UBE2E2: variants seen among roughly 807,000 people sequenced by gnomAD.
UBE2E2 encodes ubiquitin conjugating enzyme E2 E2, also known as ubiquitin-conjugating enzyme E2 E2.
UBE2E2 carries 6 observed loss-of-function variants against 24.7 expected under a neutral mutation model. The observed-to-expected ratio is 0.24, with a 90% CI of 0.13 to 0.48. The LOEUF is 0.48. UBE2E2 is among the 20% of genes least tolerant of loss of function. The pLI, the probability that UBE2E2 is intolerant of heterozygous loss-of-function variation, is 0.99. For missense variants in UBE2E2, 169 were observed against 245.0 expected, an observed-to-expected ratio of 0.69 and a Z score of 2.07; for synonymous variants, 104 against 83.6, an observed-to-expected ratio of 1.24 and a Z score of -1.33.
At chr3:23,510,030 A>G (rs924752322) in intron 4 of UBE2E2, among the ~76,000 whole-genome samples, 2 of 152,190 alleles carry the variant, frequency 1.3e-5, no homozygotes, top group African/African-American at 2.4e-5. Context: ...TAGTGCCACA[A>G]TAAACATACG....
intron 3 of UBE2E2, among the ~76,000 whole-genome samples, chr3:23,457,285 T>G (rs1698700217): frequency 6.6e-6 from 1 of 152,186 alleles, no homozygotes; most frequent in African/African-American, 2.4e-5. Flanking sequence ...TAGATCCAAC[T>G]GGTTTTTCTG....
intron 3 of UBE2E2, among the ~76,000 whole-genome samples, chr3:23,385,526 G>A (rs1263987216): frequency 6.6e-6 from 1 of 152,212 alleles, no homozygotes; most frequent in East Asian, 1.9e-4. Context: ...TCCAGGGCTT[G>A]CTCTGTAATC....
intron 4 of UBE2E2, among the ~76,000 whole-genome samples, chr3:23,505,982 A>G (rs1319014933): frequency 3.9e-5 from 6 of 152,252 alleles, no homozygotes; most frequent in Non-Finnish European, 8.8e-5. Context: ...CTGAAGTTCA[A>G]CAATGAGTTC....
At chr3:23,476,183 A>G (rs1045037682) in intron 3 of UBE2E2, among the ~76,000 whole-genome samples, 1 of 152,032 alleles carries the variant, frequency 6.6e-6, no homozygotes, top group South Asian at 2.1e-4. Flanking sequence ...TTGCCTTTCT[A>G]TCTACCAAAC....
chr3:23,327,556 A>C (rs567749647), intron 3 of UBE2E2, among the ~76,000 whole-genome samples: 1 of 152,344 alleles, frequency 6.6e-6, no homozygotes, highest in South Asian at 2.1e-4. Flanking sequence ...TGTATCAACC[A>C]ATACAGAAAG....
chr3:23,220,882 G>A (rs1301816415), intron 3 of UBE2E2, among the ~76,000 whole-genome samples: 6 of 152,186 alleles, frequency 3.9e-5, no homozygotes, highest in Non-Finnish European at 5.9e-5. Flanking sequence ...GCATGTCAGT[G>A]TGTTCATTTA....
intron 3 of UBE2E2, among the ~76,000 whole-genome samples, chr3:23,435,728 C>T (rs1698162462): frequency 6.6e-6 from 1 of 152,194 alleles, no homozygotes; most frequent in Non-Finnish European, 1.5e-5. Flanking sequence ...CTGAAACCTA[C>T]TATTCAAGGA....
rs561057462 is a variant in UBE2E2 at position 23,263,025 on chromosome 3, A to C, written c.227+45713A>C. On this transcript the variant is annotated intron_variant, in intron 3 of 5. Transcript: ENST00000396703. ...GAAATTACTTCCTACTGATGAGGAA[A>C]AGCAGGCAGAAGTTGCTGTTACAGA... is the stretch of plus-strand genomic sequence containing the variant. Among the ~76,000 whole-genome samples the C allele has an allele frequency of 1.3e-4, 20 of 152,304 alleles. No homozygotes were observed. In the South Asian group the frequency reaches 3.5e-3, roughly 27 times the overall value.
At chr3:23,467,771 T>G (rs903690501) in intron 3 of UBE2E2, among the ~76,000 whole-genome samples, 7 of 152,132 alleles carry the variant, frequency 4.6e-5, no homozygotes, top group Non-Finnish European at 1.0e-4. Flanking sequence ...AGAAAAAGTT[T>G]TAATTATGCT....
At chr3:23,503,795 G>A (rs7620266) in intron 4 of UBE2E2, among the ~76,000 whole-genome samples, 44,164 of 151,822 alleles carry the variant, frequency 0.29, 6,871 homozygotes, top group African/African-American at 0.39. Flanking sequence ...CGAGGCTGCA[G>A]TGAGCTGAGA....
chr3:23,322,000 T>C (rs1335067067), intron 3 of UBE2E2, among the ~76,000 whole-genome samples: 2 of 152,194 alleles, frequency 1.3e-5, no homozygotes, highest in Non-Finnish European at 2.9e-5. Context: ...TAAAGTTTTA[T>C]AATCCTTTGT....
intron 3 of UBE2E2, among the ~76,000 whole-genome samples, chr3:23,466,743 A>G (rs1698927588): frequency 6.6e-6 from 1 of 151,746 alleles, no homozygotes; most frequent in Admixed American, 6.6e-5. Context: ...AATTTTTTGT[A>G]TTTTTAGTAG....
intron 3 of UBE2E2, among the ~76,000 whole-genome samples, chr3:23,339,357 A>G (rs1695315775): frequency 6.6e-6 from 1 of 152,170 alleles, no homozygotes; most frequent in Non-Finnish European, 1.5e-5. Flanking sequence ...GAAGGAAGAT[A>G]TTAGTAGGAC....
At chr3:23,504,037 C>G (rs149389808) in intron 4 of UBE2E2, among the ~76,000 whole-genome samples, 5 of 152,242 alleles carry the variant, frequency 3.3e-5, no homozygotes, top group African/African-American at 9.6e-5. Context: ...CTCCCCCAAA[C>G]TGATTATTCA....
intron 3 of UBE2E2, among the ~76,000 whole-genome samples, chr3:23,477,658 TATC>T (rs954052521): frequency 6.6e-6 from 1 of 152,230 alleles, no homozygotes; most frequent in African/African-American, 2.4e-5. Context: ...ACTTTTTACT[TATC>T]ATGTTTTGAG....
At position 23,474,385 on chromosome 3, in the gene UBE2E2, T is replaced by G. The variant is rs1699085601; in HGVS notation, c.228-25223T>G. On this transcript the variant is annotated intron_variant, in intron 3 of 5. Transcript: ENST00000396703. The surrounding 1 kb of genome is among the most constrained non-coding windows in gnomAD (Gnocchi z 4.0). Reference sequence around the variant, plus strand: ...GATTTATTTCTTACAGTCATTCTAGTCCTCATTTTAAAATGCAAATTTGGT... The same window carrying G: ...GATTTATTTCTTACAGTCATTCTAGGCCTCATTTTAAAATGCAAATTTGGT... 6.6e-6 allele frequency among the ~76,000 whole-genome samples: 1 copy of G among 152,074 alleles called. No homozygotes were observed.
chr3:23,493,880 T>A (rs1206409150), intron 3 of UBE2E2, among the ~76,000 whole-genome samples: 1 of 152,198 alleles, frequency 6.6e-6, no homozygotes, highest in African/African-American at 2.4e-5. Context: ...CTGCAGCGTG[T>A]AACAGCAAGC....
chr3:23,313,552 T>C (rs1694474718), intron 3 of UBE2E2, among the ~76,000 whole-genome samples: 1 of 151,938 alleles, frequency 6.6e-6, no homozygotes, highest in Non-Finnish European at 1.5e-5. Flanking sequence ...ACCTGGCTAA[T>C]TTTTGTGTTT....
At chr3:23,515,426 T>C in intron 4 of UBE2E2, among the ~76,000 whole-genome samples, 1 of 152,136 alleles carries the variant, frequency 6.6e-6, no homozygotes, top group Non-Finnish European at 1.5e-5. Flanking sequence ...TGGTCCATGA[T>C]GGATGATAGA....
Sources: allele counts gnomAD v4.1 joint callset (sites outside exome capture counted in the v4.1 genomes callset), GRCh38; gene constraint gnomAD v4.1.1; non-coding constraint Gnocchi (gnomAD v3.1); transcripts MANE v1.5; gene names NCBI Gene and HGNC (gene_info 2026-07-23, HGNC 2026-07-21).